MAP4K3: variants seen among roughly 807,000 people sequenced by gnomAD.
MAP4K3 encodes the protein mitogen-activated protein kinase kinase kinase kinase 3.
MAP4K3 carries 94 observed loss-of-function variants against 143.5 expected under a neutral mutation model. The ratio of observed to expected loss-of-function variants is 0.65; its 90% CI spans 0.55 to 0.78. The LOEUF (loss-of-function observed/expected upper bound fraction) is 0.78, where lower values mean the gene tolerates loss of function less well. Among genes scored for constraint, MAP4K3 ranks in the 30% least tolerant of loss-of-function variants. The pLI is 0.00. For missense variants in MAP4K3, 1,077 were observed against 1,068.1 expected (o/e 1.01, Z -0.12); for synonymous variants, 416 against 347.2 (o/e 1.20, Z -2.20).
intron 16 of MAP4K3, among the ~76,000 whole-genome samples, chr2:39,298,106 C>T (rs1281994012): frequency 1.3e-5 from 2 of 151,856 alleles, no homozygotes; most frequent in African/African-American, 4.8e-5. Context: ...TTAAAATACA[C>T]TAAAATTTAC....
intron 1 of MAP4K3, among the ~76,000 whole-genome samples, chr2:39,424,034 C>T (rs966954817): frequency 3.3e-5 from 5 of 152,158 alleles, no homozygotes; most frequent in African/African-American, 1.2e-4. Context: ...ACCTCCGCCT[C>T]CCAGGTTCAA....
intron 2 of MAP4K3, among the ~76,000 whole-genome samples, chr2:39,359,415 G>C (rs1326177675): frequency 1.3e-5 from 2 of 152,176 alleles, no homozygotes; most frequent in Non-Finnish European, 2.9e-5. Flanking sequence ...TCCCCTCCTG[G>C]CTGCTTTCAC....
At chr2:39,309,683 G>A (rs181885335) in intron 13 of MAP4K3, among the ~76,000 whole-genome samples, 164 bp from the exon 14 acceptor site, 27 of 143,450 alleles carry the variant, frequency 1.9e-4, no homozygotes, top group African/African-American at 6.1e-4. Flanking sequence ...TCAGCCTCCC[G>A]AGTAGCTGGG....
At chr2:39,304,058 T>A (rs1682606047) in intron 15 of MAP4K3, among the ~76,000 whole-genome samples, 1 of 152,168 alleles carries the variant, frequency 6.6e-6, no homozygotes, top group Non-Finnish European at 1.5e-5. Context: ...TGAGTTTTTG[T>A]TTTAAACTCA....
At chr2:39,400,736 T>C (rs981745853) in intron 1 of MAP4K3, among the ~76,000 whole-genome samples, 3 of 152,138 alleles carry the variant, frequency 2.0e-5, no homozygotes, top group African/African-American at 7.2e-5. Context: ...AAAATAGATA[T>C]TGTATAATTT....
chr2:39,368,943 T>C (rs1233272407), intron 2 of MAP4K3, among the ~76,000 whole-genome samples: 1 of 152,126 alleles, frequency 6.6e-6, no homozygotes, highest in African/African-American at 2.4e-5. Context: ...CCCTTATCCC[T>C]TGTAACCTAT....
intron 12 of MAP4K3, among the ~76,000 whole-genome samples, chr2:39,317,627 T>A (rs577169645): frequency 5.3e-5 from 8 of 152,074 alleles, no homozygotes; most frequent in African/African-American, 1.9e-4. Flanking sequence ...AGAAGACATA[T>A]ACACAGCCAT....
chr2:39,418,318 A>C (rs1667449996), intron 1 of MAP4K3, among the ~76,000 whole-genome samples: 1 of 152,320 alleles, frequency 6.6e-6, no homozygotes, highest in Non-Finnish European at 1.5e-5. Context: ...ATCATGTAGT[A>C]CTGGATCATA....
intron 1 of MAP4K3, among the ~76,000 whole-genome samples, chr2:39,424,980 T>A (rs1300997452): frequency 6.6e-6 from 1 of 152,052 alleles, no homozygotes; most frequent in African/African-American, 2.4e-5. Flanking sequence ...GTATTATCTA[T>A]AAGATGTGGG....
Position 39,278,455 on chromosome 2 carries a change from C to T in MAP4K3, c.1746G>A (p.Gly582=). Reference sequence around the variant, plus strand: ...GTTCATTAAGATTGAGGGTATAAATCCCTTCTTCGGCACCAAATATCAAGT... The same window carrying T: ...GTTCATTAAGATTGAGGGTATAAATTCCTTCTTCGGCACCAAATATCAAGT... ...DQYLIFGAEE[G]IYTLNLNELH... is the part of the protein sequence containing the mutation. Residue 582 remains glycine, a synonymous_variant, in exon 24 of 34, where the codon GGG becomes GGA. Coordinates refer to ENST00000263881, the MANE Select transcript of MAP4K3 (RefSeq NM_003618.4). 6.3e-7 allele frequency: 1 copy of T among 1,599,330 alleles called. No homozygotes were observed. Among genetic ancestry groups the T allele is most frequent in the Non-Finnish European group, 8.5e-7 (1 of 1,172,052 alleles).
At chr2:39,307,497 GAAT>G (rs905869925) in intron 15 of MAP4K3, among the ~76,000 whole-genome samples, 13 of 151,522 alleles carry the variant, frequency 8.6e-5, no homozygotes, top group African/African-American at 3.1e-4. Context: ...TATATTATCT[GAAT>G]AATATATGTA....
intron 28 of MAP4K3, 143 bp downstream of exon 28, chr2:39,265,060 T>A: frequency 1.6e-6 from 1 of 635,754 alleles, no homozygotes; most frequent in Admixed American, 3.0e-5. Context: ...TGCTTACAAC[T>A]GGGCAGATTT....
intron 3 of MAP4K3, 112 bp downstream of exon 3, chr2:39,356,137 T>C: frequency 1.5e-6 from 1 of 656,974 alleles, no homozygotes; most frequent in Admixed American, 2.9e-5. Context: ...TATCCTATCT[T>C]CAAAGCATGA....
chr2:39,423,141 A>G (rs1307031015), intron 1 of MAP4K3, among the ~76,000 whole-genome samples: 1 of 152,246 alleles, frequency 6.6e-6, no homozygotes, highest in Non-Finnish European at 1.5e-5. Context: ...CAAAAAATAT[A>G]TACAGATAGC....
At chr2:39,258,788 G>C (rs1260539669) in intron 29 of MAP4K3, among the ~76,000 whole-genome samples, 2 of 152,238 alleles carry the variant, frequency 1.3e-5, no homozygotes, top group Admixed American at 1.3e-4. Context: ...CAGAGCATAT[G>C]TTGGCTGTTG....
intron 32 of MAP4K3, among the ~76,000 whole-genome samples, chr2:39,253,634 C>A (rs1274234258): frequency 6.6e-6 from 1 of 152,222 alleles, no homozygotes; most frequent in Non-Finnish European, 1.5e-5. Flanking sequence ...GGAACCCAGG[C>A]TCATGAACAC....
rs140401998 is a variant in MAP4K3, at chr2:39,289,436, C to T, written c.1314+856G>A. On this transcript the variant is annotated intron_variant, in intron 19 of 33. Coordinates refer to ENST00000263881, the MANE Select transcript of MAP4K3 (RefSeq NM_003618.4). ...CAACTCATATTATAATTAAAATTTG[C>T]TATGCATATGAACTTATAAAGTATA... Among the ~76,000 whole-genome samples, 704 of 152,010 alleles carry T rather than the reference C, an allele frequency of 4.6e-3. 5 individuals carry two copies. The highest frequency in any genetic ancestry group is 0.024 in the Middle Eastern group (7 of 294).
intron 12 of MAP4K3, among the ~76,000 whole-genome samples, chr2:39,321,335 G>A (rs1314351934): frequency 2.0e-5 from 3 of 152,072 alleles, no homozygotes; most frequent in Non-Finnish European, 4.4e-5. Flanking sequence ...TCAAACTCAG[G>A]GTTAAATGGA....
chr2:39,351,322 A>G (rs1337806614), intron 3 of MAP4K3, among the ~76,000 whole-genome samples: 2 of 152,212 alleles, frequency 1.3e-5, no homozygotes, highest in Non-Finnish European at 2.9e-5. Flanking sequence ...TTAACACCCA[A>G]TATTTGGGAA....
Sources: gnomAD v4.1 joint callset for allele counts (sites outside exome capture counted in the v4.1 genomes callset) on GRCh38, gnomAD v4.1.1 for gene constraint, MANE v1.5 for transcripts, NCBI Gene and HGNC (gene_info 2026-07-23, HGNC 2026-07-21) for gene names.